BBS9: variants seen among roughly 807,000 people sequenced by gnomAD.
BBS9 encodes the protein protein PTHB1.
Under a neutral mutation model 117.7 loss-of-function variants are expected in BBS9, and 89 were observed. The observed-to-expected ratio is 0.76, with a 90% CI of 0.64 to 0.90. BBS9 has a LOEUF of 0.90. Ranked by LOEUF, BBS9 falls within the 40% of genes least tolerant of loss-of-function variation. The pLI is 0.00. For synonymous variants in BBS9, 379 were observed against 370.9 expected (o/e 1.02, Z -0.25); for missense variants, 982 against 1,042.2 (o/e 0.94, Z 0.80).
intron 5 of BBS9, among the ~76,000 whole-genome samples, chr7:33,235,722 T>A (rs1296342282): frequency 1.3e-5 from 2 of 152,168 alleles, no homozygotes; most frequent in African/African-American, 4.8e-5. Context: ...GAAATATGTA[T>A]GCACTAAAGA....
At position 33,568,234 on chromosome 7, in the gene BBS9, C is replaced by T. The variant is rs1001416243; in HGVS notation, c.2521+34058C>T. ...GGATTTTTCTCTTTAAAAATGTGTACGTGGCTTCCTCTCTGGAGCTCCTGC... is the reference window on the plus strand; with the variant it reads ...GGATTTTTCTCTTTAAAAATGTGTATGTGGCTTCCTCTCTGGAGCTCCTGC... On this transcript the variant is annotated intron_variant, in intron 21 of 22. Coordinates refer to ENST00000242067, the MANE Select transcript of BBS9 (RefSeq NM_198428.3). Among the ~76,000 whole-genome samples the T allele has an allele frequency of 2.4e-4, 37 of 152,226 alleles. 1 individual carries two copies. Among genetic ancestry groups the T allele is most frequent in the Admixed American group, 2.0e-4 (3 of 15,278 alleles).
chr7:33,619,385 A>G (rs114701849), intron 21 of BBS9, among the ~76,000 whole-genome samples: 369 of 152,302 alleles, frequency 2.4e-3, no homozygotes, highest in African/African-American at 8.5e-3. Context: ...TGAAGGATGA[A>G]ACAAATAGTA....
rs12666901 is a variant in BBS9 at position 33,446,704 on chromosome 7, C to T, written c.2115+58560C>T. 0.018 allele frequency among the ~76,000 whole-genome samples: 2,748 copies of T among 152,306 alleles called. 207 individuals carry two copies. In the East Asian group the frequency reaches 0.26, roughly 14 times the overall value. On this transcript the variant is annotated intron_variant, in intron 19 of 22. Coordinates refer to ENST00000242067, the MANE Select transcript of BBS9 (RefSeq NM_198428.3). ...CTTTCATTCATCAAAGATGAGACAA[C>T]ATTTTTCATGGTCAGCCTATTCACT...
At chr7:33,477,958 G>A (rs188387307) in intron 19 of BBS9, among the ~76,000 whole-genome samples, 128 of 152,202 alleles carry the variant, frequency 8.4e-4, no homozygotes, top group Non-Finnish European at 1.4e-3. Context: ...GAAGTGAAAG[G>A]TTTTCAGAGA....
chr7:33,275,287 T>C (rs1406536596), intron 9 of BBS9, among the ~76,000 whole-genome samples: 3 of 152,218 alleles, frequency 2.0e-5, no homozygotes, highest in Non-Finnish European at 4.4e-5. Flanking sequence ...GTTATAGTTA[T>C]TTTGTGTCTG....
Position 33,273,934 on chromosome 7 carries a change from G to A in BBS9, c.994G>A (p.Ala332Thr). 1 of 1,613,674 alleles carries A rather than the reference G, an allele frequency of 6.2e-7. No individual in the cohort carries two copies. The highest frequency in any genetic ancestry group is 8.5e-7 in the Non-Finnish European group (1 of 1,179,752). ...WATQLPHIPV[A>T]VRVGCLHDLK... is the part of the protein sequence containing the mutation. ...CACCCAACTTCCCCACATTCCTGTAGCAGTAAGAGTGGGCTGTTTGCAGTA... is the reference window on the plus strand; with the variant it reads ...CACCCAACTTCCCCACATTCCTGTAACAGTAAGAGTGGGCTGTTTGCAGTA... The change falls in exon 9 of 23, where the codon GCA becomes ACA. Residue 332 changes from alanine to threonine, a missense_variant. Coordinates refer to ENST00000242067, the MANE Select transcript of BBS9 (RefSeq NM_198428.3).
chr7:33,515,373 TC>T (rs1230702686), intron 20 of BBS9, among the ~76,000 whole-genome samples: 1 of 151,816 alleles, frequency 6.6e-6, no homozygotes, highest in African/African-American at 2.4e-5. Context: ...GCTGTGTTTT[TC>T]CATGTAGCAT....
intron 19 of BBS9, among the ~76,000 whole-genome samples, chr7:33,476,169 A>G (rs541273838): frequency 6.6e-6 from 1 of 152,306 alleles, no homozygotes; most frequent in African/African-American, 2.4e-5. Context: ...ATAGAATACA[A>G]TTGGTTTTCT....
intron 5 of BBS9, among the ~76,000 whole-genome samples, chr7:33,218,806 C>T (rs1008823101): frequency 3.3e-5 from 5 of 152,386 alleles, no homozygotes; most frequent in African/African-American, 9.6e-5. Context: ...GAGGTGACAG[C>T]GTGCTGGCAG....
At chr7:33,414,737 G>T (rs755214925) in intron 19 of BBS9, among the ~76,000 whole-genome samples, 5 of 152,128 alleles carry the variant, frequency 3.3e-5, no homozygotes, top group African/African-American at 9.7e-5. Flanking sequence ...GAACAATGCT[G>T]CAGTGAACAC....
chr7:33,624,717 A>G (rs931289813), intron 21 of BBS9, among the ~76,000 whole-genome samples: 2 of 152,250 alleles, frequency 1.3e-5, no homozygotes, highest in Non-Finnish European at 2.9e-5. Flanking sequence ...TTGTAAATAG[A>G]GAAACCATGT....
At chr7:33,207,536 C>CT (rs780030568) in intron 5 of BBS9, among the ~76,000 whole-genome samples, 3,018 of 140,900 alleles carry the variant, frequency 0.021, 27 homozygotes, top group Middle Eastern at 0.049. Flanking sequence ...GACATGTCTT[C>CT]TTTTTTTTTT....
chr7:33,634,700 G>C, intron 21 of BBS9, among the ~76,000 whole-genome samples: 1 of 152,200 alleles, frequency 6.6e-6, no homozygotes, highest in African/African-American at 2.4e-5. Flanking sequence ...ACAAAGCCCT[G>C]CTGGGGAGCC....
chr7:33,363,851 T>G (rs781066247), intron 16 of BBS9, among the ~76,000 whole-genome samples: 16 of 152,114 alleles, frequency 1.1e-4, no homozygotes, highest in Non-Finnish European at 1.9e-4. Flanking sequence ...ATTACATTGA[T>G]TAATTTTTAA....
chr7:33,236,442 A>T (rs1430057605), intron 5 of BBS9, among the ~76,000 whole-genome samples: 3 of 151,812 alleles, frequency 2.0e-5, no homozygotes, highest in South Asian at 2.1e-4. Flanking sequence ...TCAGAATTTT[A>T]TATATTTATT....
rs1175186458 is a variant in BBS9 at position 33,228,189 on chromosome 7, ATATCTCATTGTGG to A, written c.443-29045_443-29033del. On this transcript the variant is annotated intron_variant, in intron 5 of 22. Transcript: ENST00000242067. ...GTCATTCTTGTAGAAATAAGGTGCT[ATATCTCATTGTGG>A]TTTTAATTTGCATTTCCCTGATAAT... Among the ~76,000 whole-genome samples the A allele has an allele frequency of 2.6e-5, 4 of 151,968 alleles. No homozygotes were observed. The East Asian group carries it at 7.7e-4, about 29-fold the overall frequency.
intron 5 of BBS9, among the ~76,000 whole-genome samples, chr7:33,179,650 A>G (rs1797825590): frequency 1.3e-5 from 2 of 152,120 alleles, no homozygotes; most frequent in Admixed American, 1.3e-4. Context: ...CGAGTTGTGT[A>G]ATTATTTCAT....
intron 15 of BBS9, 36 bp from the exon 16 acceptor site, chr7:33,357,819 A>G (rs1819892141): frequency 6.2e-7 from 1 of 1,600,030 alleles, no homozygotes; most frequent in South Asian, 1.1e-5. Context: ...ATTATTTGTC[A>G]AGTCTATGAA....
intron 21 of BBS9, among the ~76,000 whole-genome samples, chr7:33,535,437 C>G (rs941050116): frequency 6.6e-6 from 1 of 152,152 alleles, no homozygotes; most frequent in Non-Finnish European, 1.5e-5. Context: ...ATTCTATATT[C>G]TATGATTTGA....
Sources: gnomAD v4.1 joint callset for allele counts (sites outside exome capture counted in the v4.1 genomes callset) on GRCh38, gnomAD v4.1.1 for gene constraint, MANE v1.5 for transcripts, NCBI Gene and HGNC (gene_info 2026-07-23, HGNC 2026-07-21) for gene names.